SYT1: variants seen among roughly 807,000 people sequenced by gnomAD.
SYT1 encodes synaptotagmin-1.
Under a neutral mutation model 44.8 loss-of-function variants are expected in SYT1, and 8 were observed. The ratio of observed to expected loss-of-function variants is 0.18; its 90% CI spans 0.10 to 0.32. The LOEUF (loss-of-function observed/expected upper bound fraction) is 0.32, where lower values mean the gene tolerates loss of function less well. SYT1 is among the 10% of genes least tolerant of loss of function. The pLI, the probability that SYT1 is intolerant of heterozygous loss-of-function variation, is 1.00. For missense variants in SYT1, 286 were observed against 509.3 expected (o/e 0.56, Z 4.22); for synonymous variants, 154 against 188.8 (o/e 0.82, Z 1.51).
chr12:78,906,551 G>C (rs1158429873), intron 1 of SYT1, among the ~76,000 whole-genome samples: 4 of 152,166 alleles, frequency 2.6e-5, no homozygotes, highest in Non-Finnish European at 2.9e-5. Flanking sequence ...CGTAACAGCA[G>C]TAAATACATG....
chr12:79,040,128 G>A (rs1298011024), intron 2 of SYT1, among the ~76,000 whole-genome samples: 3 of 152,094 alleles, frequency 2.0e-5, no homozygotes, highest in Non-Finnish European at 2.9e-5. Context: ...AGTCCTTTGG[G>A]TATATACCCA....
chr12:79,372,810 T>C (rs1883845614), intron 9 of SYT1, among the ~76,000 whole-genome samples: 2 of 152,058 alleles, frequency 1.3e-5, no homozygotes, highest in Admixed American at 6.6e-5. Context: ...ATCCCTCCCC[T>C]CTCTTCTTAT....
At chr12:79,049,509 C>T (rs1057374734) in intron 3 of SYT1, among the ~76,000 whole-genome samples, 1 of 151,888 alleles carries the variant, frequency 6.6e-6, no homozygotes, top group East Asian at 1.9e-4. Context: ...TATAATTTAT[C>T]CTTTAAAAAT....
At chr12:79,285,695 T>C in intron 4 of SYT1, 92 bp from the exon 5 acceptor site, 1 of 993,708 alleles carries the variant, frequency 1.0e-6, no homozygotes, top group Non-Finnish European at 1.5e-6. Flanking sequence ...AAAATGCAAA[T>C]GAAAAAAATG....
intron 8 of SYT1, among the ~76,000 whole-genome samples, chr12:79,303,725 C>G (rs570673419): frequency 6.6e-6 from 1 of 152,268 alleles, no homozygotes; most frequent in South Asian, 2.1e-4. Context: ...ATTTACTTCA[C>G]AGAAAAGCAT....
intron 3 of SYT1, among the ~76,000 whole-genome samples, chr12:79,115,347 A>G (rs1565812912): frequency 6.6e-6 from 1 of 152,198 alleles, no homozygotes; most frequent in Non-Finnish European, 1.5e-5. Context: ...ATAGTGAGAA[A>G]TATTTTTCCT....
chr12:79,055,844 A>G (rs1001714080), intron 3 of SYT1, among the ~76,000 whole-genome samples: 1 of 152,022 alleles, frequency 6.6e-6, no homozygotes, highest in African/African-American at 2.4e-5. Flanking sequence ...TTTATTTATT[A>G]TAAATTGACA....
At chr12:79,151,374 T>C (rs1870262605) in intron 3 of SYT1, among the ~76,000 whole-genome samples, 1 of 152,162 alleles carries the variant, frequency 6.6e-6, no homozygotes, top group African/African-American at 2.4e-5. Context: ...TGAAAATAAA[T>C]AAATGCAGTA....
intron 3 of SYT1, among the ~76,000 whole-genome samples, chr12:79,172,644 T>C (rs781594470): frequency 2.8e-4 from 43 of 151,950 alleles, no homozygotes; most frequent in Non-Finnish European, 5.6e-4. Context: ...CTAAATTAAA[T>C]TTTTGAGCTA....
chr12:79,264,325 G>A (rs947634889), intron 4 of SYT1, among the ~76,000 whole-genome samples: 2 of 151,610 alleles, frequency 1.3e-5, no homozygotes, highest in Admixed American at 6.6e-5. Context: ...GACTACTGGC[G>A]CCCACCACCA....
chr12:79,342,719 C>T (rs1279714380), intron 8 of SYT1, among the ~76,000 whole-genome samples: 6 of 152,150 alleles, frequency 3.9e-5, no homozygotes, highest in Admixed American at 3.3e-4. Flanking sequence ...CAATGATCAA[C>T]GATCAGTGAT....
chr12:79,217,439 C>T, intron 3 of SYT1, 64 bp from the exon 4 acceptor site: 2 of 1,383,432 alleles, frequency 1.4e-6, no homozygotes, highest in South Asian at 1.6e-5. Flanking sequence ...CTCTGGGATA[C>T]CTTTGATGTG....
chr12:79,198,791 A>C lies in SYT1; in HGVS notation c.-17-18712A>C, dbSNP rs1187160295. Among the ~76,000 whole-genome samples, 4 of 152,196 alleles carry C rather than the reference A, an allele frequency of 2.6e-5. No individual in the cohort carries two copies. The South Asian group carries it at 8.3e-4, about 31-fold the overall frequency. Reference sequence around the variant, plus strand: ...TTCATGTGGGAAGAAATTGCTATAAAGCTTTTCTTTCCTTCATTCCTCTTC... The same window carrying C: ...TTCATGTGGGAAGAAATTGCTATAACGCTTTTCTTTCCTTCATTCCTCTTC... On this transcript the variant is annotated intron_variant, in intron 3 of 10. Coordinates refer to ENST00000261205, the MANE Select transcript of SYT1 (RefSeq NM_005639.3).
chr12:79,153,622 C>G (rs1403064980), intron 3 of SYT1, among the ~76,000 whole-genome samples: 1 of 152,168 alleles, frequency 6.6e-6, no homozygotes, highest in Non-Finnish European at 1.5e-5. Context: ...GCAATGGTAA[C>G]CCTTCTTACT....
intron 4 of SYT1, among the ~76,000 whole-genome samples, chr12:79,284,576 G>C (rs1293753231): frequency 6.6e-6 from 1 of 152,060 alleles, no homozygotes; most frequent in African/African-American, 2.4e-5. Context: ...GGTGGTTCAC[G>C]CCTGTAATCC....
rs984898208 is a variant in SYT1 at position 78,972,116 on chromosome 12, C to T, written c.-216-5683C>T. On this transcript the variant is annotated intron_variant, in intron 1 of 10. Coordinates refer to ENST00000261205, the MANE Select transcript of SYT1 (RefSeq NM_005639.3). The stretch of plus-strand genomic sequence containing the variant: ...CTTAAACTAAGAACAAACAATTGAA[C>T]GGTGTAGGTGAAAGTCTCGCTCTTC... 7.2e-5 allele frequency among the ~76,000 whole-genome samples: 11 copies of T among 151,980 alleles called. No homozygotes were observed. The South Asian group carries it at 1.2e-3, about 17-fold the overall frequency.
intron 10 of SYT1, among the ~76,000 whole-genome samples, chr12:79,447,447 G>A (rs1257660154): frequency 6.6e-6 from 1 of 152,100 alleles, no homozygotes; most frequent in Non-Finnish European, 1.5e-5. Context: ...TCCCCCAAAT[G>A]TAGAAATAAA....
intron 9 of SYT1, among the ~76,000 whole-genome samples, chr12:79,363,064 C>A (rs959302887): frequency 2.0e-5 from 3 of 152,058 alleles, no homozygotes; most frequent in African/African-American, 7.2e-5. Context: ...CTAATCCAAC[C>A]CAGAATGCTT....
At chr12:78,942,220 C>G (rs1282303177) in intron 1 of SYT1, among the ~76,000 whole-genome samples, 4 of 152,180 alleles carry the variant, frequency 2.6e-5, no homozygotes, top group Admixed American at 2.6e-4. Flanking sequence ...TAAAATTATT[C>G]ATTGAATCCT....
Sources: allele counts gnomAD v4.1 joint callset (sites outside exome capture counted in the v4.1 genomes callset), GRCh38; gene constraint gnomAD v4.1.1; transcripts MANE v1.5; gene names NCBI Gene and HGNC (gene_info 2026-07-23, HGNC 2026-07-21).